The following SRGAP1 variants were observed in gnomAD, a reference collection of about 807,000 sequenced individuals.
SRGAP1 encodes the protein SLIT-ROBO Rho GTPase activating protein 1.
A neutral mutation model predicts 121.9 loss-of-function variants in SRGAP1; 43 were observed. The observed-to-expected ratio is 0.35, with a 90% CI of 0.28 to 0.46. The LOEUF is 0.46. Among genes scored for constraint, SRGAP1 ranks in the 20% least tolerant of loss-of-function variants. The pLI is 1.00. For missense variants in SRGAP1, 1,102 were observed against 1,350.9 expected, an observed-to-expected ratio of 0.82 and a Z score of 2.89; for synonymous variants, 447 against 485.4, an observed-to-expected ratio of 0.92 and a Z score of 1.04.
chr12:64,076,907 T>C (rs1016423139), intron 8 of SRGAP1, among the ~76,000 whole-genome samples: 4 of 152,136 alleles, frequency 2.6e-5, no homozygotes, highest in African/African-American at 7.2e-5. Flanking sequence ...CCTCCCAAAG[T>C]GCTGGGATTA....
At chr12:63,998,863 C>A (rs965607703) in intron 3 of SRGAP1, among the ~76,000 whole-genome samples, 6 of 152,158 alleles carry the variant, frequency 3.9e-5, no homozygotes, top group African/African-American at 1.4e-4. Context: ...TTCATTCCTT[C>A]TTCAATAAGT....
At chr12:63,987,013 T>A (rs1216755821) in intron 2 of SRGAP1, among the ~76,000 whole-genome samples, 1 of 152,228 alleles carries the variant, frequency 6.6e-6, no homozygotes, top group Non-Finnish European at 1.5e-5. Context: ...GTTTGAATAT[T>A]GGCTCCACTT....
chr12:63,868,057 T>TATATATA (rs56697634), intron 1 of SRGAP1, among the ~76,000 whole-genome samples: 40 of 55,922 alleles, frequency 7.2e-4, no homozygotes, highest in African/African-American at 1.1e-3. Context: ...TATATATATA[T>TATATATA]TTTTTTTTTT....
At chr12:63,868,762 T>C (rs1899752257) in intron 1 of SRGAP1, among the ~76,000 whole-genome samples, 1 of 152,198 alleles carries the variant, frequency 6.6e-6, no homozygotes, top group Non-Finnish European at 1.5e-5. Context: ...TCTGCAAGTG[T>C]CTCCTTAACT....
chr12:64,104,164 C>T (rs1386319197), intron 15 of SRGAP1, among the ~76,000 whole-genome samples: 1 of 152,160 alleles, frequency 6.6e-6, no homozygotes, highest in African/African-American at 2.4e-5. Context: ...GAACTTTTTG[C>T]CATTTGCTGA....
At chr12:64,070,846 A>G (rs80230862) in intron 8 of SRGAP1, among the ~76,000 whole-genome samples, 202 of 152,308 alleles carry the variant, frequency 1.3e-3, no homozygotes, top group Non-Finnish European at 2.4e-3. Context: ...CAAATTTCTT[A>G]TAGTACCAGT....
intron 11 of SRGAP1, among the ~76,000 whole-genome samples, chr12:64,087,367 C>T (rs1053512307): frequency 6.6e-6 from 1 of 152,030 alleles, no homozygotes. Context: ...AAAAAAAATA[C>T]GACGTGTACA....
chr12:64,116,928 G>T (rs2136624040), intron 18 of SRGAP1, among the ~76,000 whole-genome samples: 1 of 152,356 alleles, frequency 6.6e-6, no homozygotes, highest in Admixed American at 6.5e-5. Context: ...CTTTCCACAG[G>T]AAGGCATCAG....
intron 1 of SRGAP1, among the ~76,000 whole-genome samples, chr12:63,889,615 T>TA (rs368572462): frequency 2.6e-5 from 4 of 151,368 alleles, no homozygotes; most frequent in Non-Finnish European, 3.0e-5. Flanking sequence ...TAGGGGGCTT[T>TA]AAAAAAAAAT....
intron 1 of SRGAP1, among the ~76,000 whole-genome samples, chr12:63,873,818 G>C (rs950014361): frequency 2.0e-5 from 3 of 151,778 alleles, no homozygotes; most frequent in African/African-American, 4.8e-5. Flanking sequence ...ACAGGTGCCT[G>C]CTATCTTCAA....
At chr12:64,022,396 G>A (rs1476221383) in intron 4 of SRGAP1, among the ~76,000 whole-genome samples, 1 of 152,154 alleles carries the variant, frequency 6.6e-6, no homozygotes, top group Non-Finnish European at 1.5e-5. Context: ...CACAGAGAGA[G>A]TGAATTCTCT....
chr12:64,035,006 A>G (rs1340031048), intron 4 of SRGAP1, among the ~76,000 whole-genome samples: 2 of 151,782 alleles, frequency 1.3e-5, no homozygotes, highest in Non-Finnish European at 2.9e-5. Flanking sequence ...TCATGACCTC[A>G]GGGATCAGCA....
chr12:64,010,548 T>C (rs2034222657), intron 3 of SRGAP1, among the ~76,000 whole-genome samples: 1 of 152,104 alleles, frequency 6.6e-6, no homozygotes, highest in South Asian at 2.1e-4. Flanking sequence ...AAACCAGTCC[T>C]TACTCAGTGC....
At chr12:64,105,935 C>T (rs1321484823) in intron 15 of SRGAP1, among the ~76,000 whole-genome samples, 1 of 152,104 alleles carries the variant, frequency 6.6e-6, no homozygotes, top group Admixed American at 6.5e-5. Context: ...TACATCCTTT[C>T]CTTTCCTTTT....
rs144342108 is a variant in SRGAP1, at chr12:63,987,347, A to G, written c.264-2563A>G. On this transcript the variant is annotated intron_variant, in intron 2 of 21. Transcript: ENST00000355086. ...AGGCTTGGTTTAGCTTCCCTGGACT[A>G]AAAAAAGACTCTCTCAGACACTAGC... Among the ~76,000 whole-genome samples, 459 of 152,254 alleles carry G rather than the reference A, an allele frequency of 3.0e-3. 3 individuals are homozygous for G. The highest frequency in any genetic ancestry group is 0.011 in the African/African-American group (439 of 41,558).
At chr12:64,138,597 C>T (rs76805704) in intron 21 of SRGAP1, among the ~76,000 whole-genome samples, 2 of 150,912 alleles carry the variant, frequency 1.3e-5, no homozygotes, top group African/African-American at 2.4e-5. Flanking sequence ...AGTAGCTGGG[C>T]GTGTGCCACC....
Position 64,063,143 on chromosome 12 carries a change from G to A in SRGAP1, c.1023+5G>A. On this transcript the variant is annotated splice_donor_5th_base_variant and intron_variant, in intron 7 of 21. Coordinates refer to ENST00000355086, the MANE Select transcript of SRGAP1 (RefSeq NM_020762.4). Reference sequence around the variant, plus strand: ...CAGTCTCACATGGGTGATGAGGTCAGTAATTGATCATTTTTAAAATAATGA... The same window carrying A: ...CAGTCTCACATGGGTGATGAGGTCAATAATTGATCATTTTTAAAATAATGA... 1.9e-6 allele frequency: 3 copies of A among 1,598,228 alleles called. No homozygotes were observed. Among genetic ancestry groups the A allele is most frequent in the Non-Finnish European group, 2.6e-6 (3 of 1,167,160 alleles).
At chr12:64,071,254 A>G (rs1190878886) in intron 8 of SRGAP1, among the ~76,000 whole-genome samples, 1 of 152,228 alleles carries the variant, frequency 6.6e-6, no homozygotes, top group Non-Finnish European at 1.5e-5. Flanking sequence ...GAGAATTTCT[A>G]GGATGGGTAT....
chr12:63,951,268 A>T (rs1464221269), intron 1 of SRGAP1, among the ~76,000 whole-genome samples: 1 of 143,280 alleles, frequency 7.0e-6, no homozygotes, highest in African/African-American at 2.6e-5. Flanking sequence ...GGTTCAAGCA[A>T]TTCTCCTGCC....
Sources: gnomAD v4.1 joint callset for allele counts (sites outside exome capture counted in the v4.1 genomes callset) on GRCh38, gnomAD v4.1.1 for gene constraint, MANE v1.5 for transcripts, NCBI Gene and HGNC (gene_info 2026-07-23, HGNC 2026-07-21) for gene names.